Variants in C9orf85 observed in about 807,000 individuals in gnomAD.
The protein encoded by C9orf85 is chromosome 9 open reading frame 85, also known as uncharacterized protein C9orf85.
In C9orf85, 16 loss-of-function variants were observed where a neutral mutation model predicts 14.9. That is an observed-to-expected ratio of 1.08 (90% CI 0.73 to 1.63). C9orf85 has a LOEUF of 1.63. C9orf85 is among the 40% of genes most tolerant of loss of function. C9orf85 has a pLI of 0.00. For synonymous variants in C9orf85, 45 were observed against 56.8 expected, an observed-to-expected ratio of 0.79 and a Z score of 0.93; for missense variants, 172 against 186.1, an observed-to-expected ratio of 0.92 and a Z score of 0.44.
At chr9:71,928,339 T>G (rs958661649) in intron 1 of C9orf85, among the ~76,000 whole-genome samples, 4 of 152,236 alleles carry the variant, frequency 2.6e-5, no homozygotes, top group Non-Finnish European at 5.9e-5. Context: ...TTTCTTATTT[T>G]AAACACTATT....
At chr9:71,962,475 T>C (rs1357809582) in intron 2 of C9orf85, among the ~76,000 whole-genome samples, 2 of 152,236 alleles carry the variant, frequency 1.3e-5, no homozygotes, top group Non-Finnish European at 2.9e-5. Context: ...GTTTCTGTTT[T>C]GTACACCAAG....
chr9:71,971,645 TTTACTC>T (rs1822870381), intron 3 of C9orf85, 27 bp downstream of exon 3: 1 of 1,430,302 alleles, frequency 7.0e-7, no homozygotes, highest in Admixed American at 1.7e-5. Flanking sequence ...ATGTTTGAAT[TTTACTC>T]TTAGTGATTG....
intron 1 of C9orf85, among the ~76,000 whole-genome samples, chr9:71,921,505 G>A (rs556864585): frequency 6.6e-6 from 1 of 152,200 alleles, no homozygotes; most frequent in African/African-American, 2.4e-5. Context: ...CCTACAAGAT[G>A]TCCTGCCTTT....
downstream of C9orf85, chr9:71,984,865 T>C (rs1589280628): frequency 6.6e-6 from 1 of 152,240 alleles, no homozygotes; most frequent in Non-Finnish European, 1.5e-5. Context: ...CTGGCCAGGG[T>C]GTCTCCTGAC....
At chr9:71,946,974 A>G (rs1314024419) in intron 1 of C9orf85, 32 bp from the exon 2 acceptor site, 2 of 1,516,018 alleles carry the variant, frequency 1.3e-6, no homozygotes, top group Middle Eastern at 1.8e-4. Context: ...CACGCGTGAA[A>G]TTCTCAATTT....
chr9:71,978,048 G>C (rs552123096), downstream of C9orf85, among the ~76,000 whole-genome samples: 14 of 152,262 alleles, frequency 9.2e-5, no homozygotes, highest in East Asian at 2.5e-3. Context: ...ATGTTAATTT[G>C]AAGTATATGG....
At chr9:71,946,576 T>C (rs1473679487) in intron 1 of C9orf85, among the ~76,000 whole-genome samples, 1 of 152,062 alleles carries the variant, frequency 6.6e-6, no homozygotes, top group Non-Finnish European at 1.5e-5. Context: ...GGGTGAATCA[T>C]GAGCTCAGGA....
At chr9:71,930,803 CAA>C (rs747596247) in intron 1 of C9orf85, among the ~76,000 whole-genome samples, 31 of 61,036 alleles carry the variant, frequency 5.1e-4, no homozygotes, top group African/African-American at 1.6e-3. Flanking sequence ...GACCCTGTCT[CAA>C]AAAAAAAAAA....
intron 1 of C9orf85, among the ~76,000 whole-genome samples, chr9:71,928,723 C>G (rs933447854): frequency 7.9e-5 from 12 of 152,010 alleles, no homozygotes; most frequent in Non-Finnish European, 1.3e-4. Context: ...TTTTCCTTCA[C>G]ACAAGGATGA....
chr9:71,926,317 A>G (rs1486505994), intron 1 of C9orf85, among the ~76,000 whole-genome samples: 2 of 152,236 alleles, frequency 1.3e-5, no homozygotes, highest in Non-Finnish European at 2.9e-5. Flanking sequence ...AGCACTTGAC[A>G]TACAACCAGC....
intron 1 of C9orf85, among the ~76,000 whole-genome samples, chr9:71,917,068 G>T (rs1827668499): frequency 6.6e-6 from 1 of 152,236 alleles, no homozygotes; most frequent in South Asian, 2.1e-4. Context: ...CTCTTCATTG[G>T]TTGGATGGGA....
chr9:71,981,194 T>C lies in C9orf85; in HGVS notation c.324-1463T>C, dbSNP rs192581599. Among the ~76,000 whole-genome samples the C allele has an allele frequency of 3.2e-3, 489 of 151,624 alleles. 4 individuals are homozygous for C. Among genetic ancestry groups the C allele is most frequent in the African/African-American group, 0.011 (470 of 41,464 alleles). ...AAGCAGGTACAACTGAAATGGGCCC[T>C]AGGGGATAGATTAGAGACAAATCAG... On this transcript the variant is annotated intron_variant, in intron 3 of 3. Transcript: ENST00000377031.
chr9:71,923,964 C>T (rs1204201711), intron 1 of C9orf85, among the ~76,000 whole-genome samples: 3 of 152,098 alleles, frequency 2.0e-5, no homozygotes, highest in Non-Finnish European at 4.4e-5. Flanking sequence ...ACCTTTAAGT[C>T]GTGGCTTTTG....
At chr9:71,966,533 A>G (rs1318965654) in intron 2 of C9orf85, among the ~76,000 whole-genome samples, 1 of 152,140 alleles carries the variant, frequency 6.6e-6, no homozygotes, top group Non-Finnish European at 1.5e-5. Context: ...GGTAATCTGA[A>G]TCTATAAAAC....
At chr9:71,928,347 A>G (rs530906981) in intron 1 of C9orf85, among the ~76,000 whole-genome samples, 1 of 152,284 alleles carries the variant, frequency 6.6e-6, no homozygotes, top group Admixed American at 6.5e-5. Flanking sequence ...TTTAAACACT[A>G]TTTTAACTCT....
At chr9:71,961,361 A>G (rs558499519) in intron 2 of C9orf85, among the ~76,000 whole-genome samples, 7 of 151,916 alleles carry the variant, frequency 4.6e-5, no homozygotes, top group Non-Finnish European at 7.4e-5. Flanking sequence ...GAAGTTCGAG[A>G]CCAGCCTGGC....
downstream of C9orf85, among the ~76,000 whole-genome samples, chr9:71,974,256 T>TC (rs1020840431): frequency 1.3e-5 from 2 of 150,146 alleles, no homozygotes; most frequent in Non-Finnish European, 3.0e-5. Context: ...TTACTTTTTT[T>TC]TTTTTTGAGA....
At chr9:71,913,135 G>A (rs1589240757) in intron 1 of C9orf85, among the ~76,000 whole-genome samples, 1 of 152,144 alleles carries the variant, frequency 6.6e-6, no homozygotes, top group Non-Finnish European at 1.5e-5. Flanking sequence ...GTTGGGAGGC[G>A]AAACTATATG....
chr9:71,962,981 G>A (rs746282827), intron 2 of C9orf85, among the ~76,000 whole-genome samples: 8 of 152,050 alleles, frequency 5.3e-5, no homozygotes, highest in Non-Finnish European at 7.4e-5. Context: ...ACTTGAACCC[G>A]GGAAGTGGAG....
Sources: gnomAD v4.1 joint callset for allele counts (sites outside exome capture counted in the v4.1 genomes callset) on GRCh38, gnomAD v4.1.1 for gene constraint, MANE v1.5 for transcripts, NCBI Gene and HGNC (gene_info 2026-07-23, HGNC 2026-07-21) for gene names.